The following LRBA variants were observed in gnomAD, a reference collection of about 807,000 sequenced individuals.
LRBA encodes LPS responsive beige-like anchor protein.
Under a neutral mutation model 330.0 loss-of-function variants are expected in LRBA, and 176 were observed. That is an observed-to-expected ratio of 0.53 (90% CI 0.47 to 0.60). LRBA has a LOEUF of 0.60. Among genes scored for constraint, LRBA ranks in the 20% least tolerant of loss-of-function variants. LRBA has a pLI of 0.00. For missense variants in LRBA, 3,259 were observed against 3,444.8 expected, an observed-to-expected ratio of 0.95 and a Z score of 1.35; for synonymous variants, 1,230 against 1,193.0, an observed-to-expected ratio of 1.03 and a Z score of -0.64.
intron 7 of LRBA, among the ~76,000 whole-genome samples, chr4:150,916,134 AAC>A (rs1206392345): frequency 6.6e-6 from 1 of 152,198 alleles, no homozygotes; most frequent in African/African-American, 2.4e-5. Flanking sequence ...TACAAAAGCA[AAC>A]ACATATTAAA....
At chr4:150,364,591 T>A in intron 47 of LRBA, among the ~76,000 whole-genome samples, 1 of 152,216 alleles carries the variant, frequency 6.6e-6, no homozygotes, top group East Asian at 1.9e-4. Context: ...ATATATCATT[T>A]AGAAATACTA....
At position 150,639,918 on chromosome 4, in the gene LRBA, A is replaced by G. The variant is rs544642999; in HGVS notation, c.5922-40787T>C. Among the ~76,000 whole-genome samples the G allele has an allele frequency of 6.6e-4, 89 of 134,708 alleles. 1 individual carries two copies. The Admixed American group carries it at 6.8e-3, about 10-fold the overall frequency. 88.4% of individuals were successfully genotyped at this position (134,708 alleles called of 152,430 possible). ...GCTGCCCAGGCTGGAGTGTAATGGT[A>G]TGATCTCTGCTCACTGCAACCTCCC... On this transcript the variant is annotated intron_variant, in intron 37 of 56. Transcript: ENST00000651943.
chr4:150,548,830 T>C (rs1766196188), intron 40 of LRBA, among the ~76,000 whole-genome samples: 1 of 152,180 alleles, frequency 6.6e-6, no homozygotes, highest in South Asian at 2.1e-4. Flanking sequence ...GTAGTTGCTA[T>C]TACCTGTTTT....
chr4:150,953,362 T>TCCCTCC (rs923258741), intron 2 of LRBA, among the ~76,000 whole-genome samples: 10 of 127,658 alleles, frequency 7.8e-5, no homozygotes, highest in Non-Finnish European at 1.2e-4. Flanking sequence ...TCTCCCTCTC[T>TCCCTCC]CCCTCCCCCT....
At chr4:150,471,520 T>C (rs1756126577) in intron 43 of LRBA, 104 bp downstream of exon 43, 3 of 640,492 alleles carry the variant, frequency 4.7e-6, no homozygotes, top group Non-Finnish European at 8.0e-6. Context: ...CTAGTAGCAA[T>C]AACGGCAATA....
At chr4:150,422,592 T>C in intron 46 of LRBA, 1 of 552,584 alleles carries the variant, frequency 1.8e-6, no homozygotes, top group East Asian at 3.3e-5. Context: ...TCTGGACACT[T>C]AGACATCAGG....
At chr4:150,895,897 C>T (rs1424815203) in intron 16 of LRBA, among the ~76,000 whole-genome samples, 3 of 152,168 alleles carry the variant, frequency 2.0e-5, no homozygotes, top group African/African-American at 4.8e-5. Flanking sequence ...TACAGTCCCA[C>T]CAACAGTGTA....
chr4:150,629,510 A>G (rs1008978815), intron 37 of LRBA, among the ~76,000 whole-genome samples: 2 of 151,810 alleles, frequency 1.3e-5, no homozygotes, highest in Non-Finnish European at 2.9e-5. Flanking sequence ...ATGGTGGCAC[A>G]TGCCTGTAGT....
chr4:150,840,931 G>C, intron 28 of LRBA: 1 of 1,123,986 alleles, frequency 8.9e-7, no homozygotes, highest in Non-Finnish European at 1.1e-6. Context: ...ATCAGTTTCA[G>C]AAAAATAGAA....
At chr4:150,713,866 G>C (rs1786474987) in intron 36 of LRBA, among the ~76,000 whole-genome samples, 1 of 152,122 alleles carries the variant, frequency 6.6e-6, no homozygotes, top group African/African-American at 2.4e-5. Context: ...TAAAACCAAA[G>C]ACATGAGGAA....
chr4:150,942,023 G>T (rs1735726657), intron 2 of LRBA, among the ~76,000 whole-genome samples: 2 of 152,166 alleles, frequency 1.3e-5, no homozygotes, highest in African/African-American at 4.8e-5. Context: ...AGTTTAATAT[G>T]ATTTACAGTT....
Position 151,014,675 on chromosome 4 carries a change from AC to A in LRBA, c.-34del. 6.8e-7 allele frequency: 1 copy of A among 1,480,642 alleles called. No homozygotes were observed. The highest frequency in any genetic ancestry group is 2.3e-5 in the East Asian group (1 of 43,018). The allele number at this position is 1,480,642 out of a possible 1,614,324, so 91.7% of individuals were successfully genotyped here. ...TCACGATAAAGGACAACTCAGAGTC[AC>A]CCTGGGACGGCAGTCGCTGCACTGG... On this transcript the variant is annotated 5_prime_UTR_variant, in exon 2 of 57. Transcript: ENST00000651943.
chr4:150,612,810 G>A (rs1392975743), intron 37 of LRBA, among the ~76,000 whole-genome samples: 1 of 152,078 alleles, frequency 6.6e-6, no homozygotes, highest in Non-Finnish European at 1.5e-5. Flanking sequence ...AAAATTATAT[G>A]ACATAAAATC....
At chr4:150,402,408 C>T (rs575389810) in intron 47 of LRBA, among the ~76,000 whole-genome samples, 53 of 151,496 alleles carry the variant, frequency 3.5e-4, no homozygotes, top group African/African-American at 1.1e-3. Flanking sequence ...AAGAAAGAAG[C>T]GGGGAAGAAA....
intron 34 of LRBA, among the ~76,000 whole-genome samples, chr4:150,788,810 C>G (rs1421868409): frequency 2.0e-5 from 3 of 149,268 alleles, no homozygotes; most frequent in Non-Finnish European, 4.4e-5. Flanking sequence ...CACAGTGGCT[C>G]ACGCCTATAA....
intron 53 of LRBA, among the ~76,000 whole-genome samples, chr4:150,299,514 G>A (rs1259144872): frequency 6.6e-6 from 1 of 151,970 alleles, no homozygotes; most frequent in Non-Finnish European, 1.5e-5. Context: ...GAGAAGCGAT[G>A]TATTTATAGG....
intron 44 of LRBA, among the ~76,000 whole-genome samples, chr4:150,459,342 C>A (rs998802011): frequency 1.3e-5 from 2 of 151,794 alleles, no homozygotes; most frequent in South Asian, 2.1e-4. Context: ...TTTGACAATA[C>A]AGAGGGAAGA....
In LRBA at chr4:150,444,910, T is replaced by G. The variant is rs541107710; in HGVS notation, c.6781-8046A>C. On this transcript the variant is annotated intron_variant, in intron 44 of 56. Coordinates refer to ENST00000651943, the MANE Select transcript of LRBA (RefSeq NM_001364905.1). ...GCTACACAGTAAGTATTAAGTAATT[T>G]TTCTACAGGTGTTTATCTCATTTTG... is the stretch of plus-strand genomic sequence containing the variant. 3.3e-5 allele frequency among the ~76,000 whole-genome samples: 5 copies of G among 152,282 alleles called. No individual in the cohort carries two copies. The South Asian group carries it at 1.0e-3, about 32-fold the overall frequency.
At chr4:150,801,807 T>G (rs1741646497) in intron 33 of LRBA, among the ~76,000 whole-genome samples, 1 of 152,018 alleles carries the variant, frequency 6.6e-6, no homozygotes, top group Admixed American at 6.6e-5. Context: ...CATTGTAATA[T>G]CTAAGATATT....
Sources: allele counts gnomAD v4.1 joint callset (sites outside exome capture counted in the v4.1 genomes callset), GRCh38; gene constraint gnomAD v4.1.1; transcripts MANE v1.5; gene names NCBI Gene and HGNC (gene_info 2026-07-23, HGNC 2026-07-21).